The following LRRC52 variants were observed in gnomAD, a reference collection of about 807,000 sequenced individuals.
LRRC52 encodes leucine-rich repeat-containing protein 52.
In LRRC52, 15 loss-of-function variants were observed where a neutral mutation model predicts 14.7. The ratio of observed to expected loss-of-function variants is 1.02; its 90% CI spans 0.68 to 1.58. The LOEUF (loss-of-function observed/expected upper bound fraction) is 1.58, where lower values mean the gene tolerates loss of function less well. LRRC52 is among the 40% of genes most tolerant of loss of function. The pLI is 0.00. For missense variants in LRRC52, 400 were observed against 387.7 expected, an observed-to-expected ratio of 1.03 and a Z score of -0.27; for synonymous variants, 180 against 163.9, an observed-to-expected ratio of 1.10 and a Z score of -0.75.
chr1:165,560,289 C>G (rs746959905), intron 1 of LRRC52, among the ~76,000 whole-genome samples: 5 of 152,166 alleles, frequency 3.3e-5, no homozygotes, highest in African/African-American at 4.8e-5. Flanking sequence ...CAAGAAATTT[C>G]AAAGGATCAG....
At chr1:165,554,303 G>A (rs1432369446) in intron 1 of LRRC52, among the ~76,000 whole-genome samples, 2 of 152,212 alleles carry the variant, frequency 1.3e-5, no homozygotes, top group Admixed American at 1.3e-4. Flanking sequence ...AAACAAACAG[G>A]GTGAGCAGAG....
Position 165,544,517 on chromosome 1 carries a change from G to A in LRRC52, c.221G>A (p.Gly74Glu), listed in dbSNP as rs757475818. ...ACTAGTTTGCCAGCAATGCATCTAG[G>A]ACTCCTCAGTGACCTTGTTTATTTG... The part of the protein sequence containing the change: ...RITSLPAMHL[G>E]LLSDLVYLDC... Residue 74 changes from glycine to glutamate, a missense_variant, in exon 1 of 2, where the codon GGA becomes GAA. Transcript: ENST00000294818. 4 of 1,614,096 alleles carry A rather than the reference G, an allele frequency of 2.5e-6. No homozygotes were observed. The highest frequency in any genetic ancestry group is 1.1e-5 in the South Asian group (1 of 91,066).
intron 1 of LRRC52, among the ~76,000 whole-genome samples, chr1:165,557,724 G>A (rs1368054900): frequency 6.6e-6 from 1 of 152,188 alleles, no homozygotes; most frequent in Non-Finnish European, 1.5e-5. Flanking sequence ...GGGGGAATTA[G>A]GCTTTTCTCT....
rs367199 is a variant in LRRC52, at chr1:165,563,951, A to C, written c.*127A>C. 0.28 allele frequency: 284,337 copies of C among 1,014,896 alleles called. 41,220 individuals carry two copies. Among genetic ancestry groups the C allele is most frequent in the South Asian group, 0.34 (20,695 of 60,184 alleles). 62.9% of individuals were successfully genotyped at this position (1,014,896 alleles called of 1,614,324 possible). On this transcript the variant is annotated 3_prime_UTR_variant, in exon 2 of 2. Transcript: ENST00000294818. ...TCTAGTAAAATAAATAAAATCTCTG[A>C]TGGCCATTTCACAGGTTGGTCCCTT... is the stretch of plus-strand genomic sequence containing the variant.
rs78689162 is a variant in LRRC52 at position 165,559,547 on chromosome 1, G to T, written c.623-3958G>T. 4.8e-3 allele frequency among the ~76,000 whole-genome samples: 727 copies of T among 152,082 alleles called. 1 individual carries two copies. Among genetic ancestry groups the T allele is most frequent in the Non-Finnish European group, 7.4e-3 (503 of 67,984 alleles). ...TGTTTATAAATAAAAAGTCAATAAGGGTATAGAAAATCAGTACACCACCAC... is the reference window on the plus strand; with the variant it reads ...TGTTTATAAATAAAAAGTCAATAAGTGTATAGAAAATCAGTACACCACCAC... On this transcript the variant is annotated intron_variant, in intron 1 of 1. Coordinates refer to ENST00000294818, the MANE Select transcript of LRRC52 (RefSeq NM_001005214.4).
chr1:165,556,043 AG>A (rs1240317939), intron 1 of LRRC52, among the ~76,000 whole-genome samples: 1 of 152,260 alleles, frequency 6.6e-6, no homozygotes, highest in South Asian at 2.1e-4. Flanking sequence ...AGGTGGTAGC[AG>A]GGGGCTACCC....
rs763171661 is a variant in LRRC52, at chr1:165,544,883, C to G, written c.587C>G (p.Ala196Gly). The G allele has an allele frequency of 3.1e-6, 5 of 1,614,026 alleles. No homozygotes were observed. Among genetic ancestry groups the G allele is most frequent in the Non-Finnish European group, 4.2e-6 (5 of 1,180,008 alleles). The change falls in exon 1 of 2, where the codon GCC (alanine) becomes GGC (glycine). Residue 196 changes from alanine to glycine, a missense_variant. Ala to Gly is a moderately conservative substitution (Grantham distance 60). Coordinates refer to ENST00000294818, the MANE Select transcript of LRRC52 (RefSeq NM_001005214.4). The stretch of plus-strand genomic sequence containing the variant: ...TGCAACTGCTCTTTCCTGGACTTCG[C>G]CATCTTCTTAATAGTGTTCCATATG... The part of the protein sequence containing the change: ...WKCNCSFLDF[A>G]IFLIVFHMDP...
chr1:165,558,214 T>C (rs1210695492), intron 1 of LRRC52, among the ~76,000 whole-genome samples: 2 of 151,868 alleles, frequency 1.3e-5, no homozygotes, highest in Non-Finnish European at 2.9e-5. Flanking sequence ...TGGTGGTTTA[T>C]GTTTCCTTAG....
intron 1 of LRRC52, among the ~76,000 whole-genome samples, chr1:165,545,986 A>G (rs285442): frequency 0.93 from 141,490 of 152,136 alleles, 66,110 homozygotes; most frequent in East Asian, 1. Flanking sequence ...TCCTGCTGAA[A>G]CTTCCACCAT....
At chr1:165,555,447 G>A (rs957332691) in intron 1 of LRRC52, among the ~76,000 whole-genome samples, 2 of 152,148 alleles carry the variant, frequency 1.3e-5, no homozygotes, top group Non-Finnish European at 2.9e-5. Context: ...ACTGAGGCCA[G>A]GTCACGTAGG....
At position 165,563,721 on chromosome 1, in the gene LRRC52, C is replaced by CG. The variant is rs1557968722; in HGVS notation, c.840dup (p.Ser281GlufsTer2). On this transcript the variant is annotated frameshift_variant, in exon 2 of 2. Transcript: ENST00000294818. LOFTEE classifies it low-confidence loss of function (END_TRUNC). Reference sequence around the variant, plus strand: ...CTCTACCAGAACACCCGCCACAAGTCGAGTGAAGAAGATGAGGACGAGGCC... The same window carrying CG: ...CTCTACCAGAACACCCGCCACAAGTCGGAGTGAAGAAGATGAGGACGAGGCC... 1.2e-6 allele frequency: 2 copies of CG among 1,614,194 alleles called. No homozygotes were observed. Among genetic ancestry groups the CG allele is most frequent in the Non-Finnish European group, 1.7e-6 (2 of 1,180,036 alleles).
intron 1 of LRRC52, among the ~76,000 whole-genome samples, chr1:165,546,354 C>T (rs1661020399): frequency 6.6e-6 from 1 of 152,214 alleles, no homozygotes. Context: ...AGACCATCTT[C>T]CAACAGGACT....
Position 165,544,223 on chromosome 1 carries a change from CCCCACCGGCAG to C in LRRC52, c.-71_-61del. The C allele has an allele frequency of 7.3e-7, 1 of 1,377,784 alleles. No homozygotes were observed. The allele number at this position is 1,377,784 out of a possible 1,614,324, so 85.3% of individuals were successfully genotyped here. A position where few individuals can be genotyped will look rare whatever the true frequency, so the allele number is the denominator to read the frequency against. On this transcript the variant is annotated 5_prime_UTR_variant, in exon 1 of 2. Transcript: ENST00000294818. ...CCAGAGCCCCTCCCCCGCCCCACCC[CCCCACCGGCAG>C]CCTTCGGATCAGAGGACAGAGCCCG...
At chr1:165,561,583 C>A (rs922390474) in intron 1 of LRRC52, among the ~76,000 whole-genome samples, 2 of 152,236 alleles carry the variant, frequency 1.3e-5, no homozygotes, top group Admixed American at 1.3e-4. Flanking sequence ...CAACTCCTTT[C>A]CCTCTACTTG....
chr1:165,548,504 G>A (rs1313224650), intron 1 of LRRC52, among the ~76,000 whole-genome samples: 1 of 152,226 alleles, frequency 6.6e-6, no homozygotes, highest in African/African-American at 2.4e-5. Context: ...AGGCCAGCAT[G>A]TGCCTGCTGG....
In LRRC52 at chr1:165,544,241, G is replaced by T; in HGVS notation, c.-56G>T. On this transcript the variant is annotated 5_prime_UTR_variant, in exon 1 of 2. Coordinates refer to ENST00000294818, the MANE Select transcript of LRRC52 (RefSeq NM_001005214.4). ...CCCACCCCCCCACCGGCAGCCTTCG[G>T]ATCAGAGGACAGAGCCCGCAGGAAG... is the stretch of plus-strand genomic sequence containing the variant. 1 of 1,551,340 alleles carries T rather than the reference G, an allele frequency of 6.4e-7. No homozygotes were observed. Among genetic ancestry groups the T allele is most frequent in the South Asian group, 1.2e-5 (1 of 81,624 alleles).
intron 1 of LRRC52, among the ~76,000 whole-genome samples, chr1:165,563,198 C>G (rs1393300874): frequency 6.6e-6 from 1 of 152,186 alleles, no homozygotes; most frequent in East Asian, 1.9e-4. Flanking sequence ...CCTTAAGAAG[C>G]ATTTTCATGG....
intron 1 of LRRC52, among the ~76,000 whole-genome samples, chr1:165,556,030 A>C (rs1192171601): frequency 6.6e-6 from 1 of 152,226 alleles, no homozygotes; most frequent in African/African-American, 2.4e-5. Flanking sequence ...TCACCCCACC[A>C]AAAGGTGGTA....
chr1:165,558,707 T>C (rs1222945893), intron 1 of LRRC52, among the ~76,000 whole-genome samples: 5 of 151,994 alleles, frequency 3.3e-5, no homozygotes, highest in African/African-American at 1.2e-4. Flanking sequence ...AAAAAGGACA[T>C]GAAATAAGTG....
Sources: allele counts gnomAD v4.1 joint callset (sites outside exome capture counted in the v4.1 genomes callset), GRCh38; gene constraint gnomAD v4.1.1; transcripts MANE v1.5; gene names NCBI Gene and HGNC (gene_info 2026-07-23, HGNC 2026-07-21).